The following POU6F2 variants were observed in gnomAD, a reference collection of about 807,000 sequenced individuals.
POU6F2 encodes POU class 6 homeobox 2.
POU6F2 carries 31 observed loss-of-function variants against 71.3 expected under a neutral mutation model. The observed-to-expected ratio is 0.43, with a 90% confidence interval of 0.33 to 0.59. POU6F2 has a LOEUF of 0.59. Among genes scored for constraint, POU6F2 ranks in the 20% least tolerant of loss-of-function variants. POU6F2 has a pLI of 0.04. For synonymous variants in POU6F2, 347 were observed against 355.7 expected (o/e 0.98, Z 0.27); for missense variants, 783 against 856.8 (o/e 0.91, Z 1.07).
chr7:38,980,230 C>G (rs569906504), intron 1 of POU6F2, among the ~76,000 whole-genome samples: 95 of 152,222 alleles, frequency 6.2e-4, no homozygotes, highest in African/African-American at 2.3e-3. Flanking sequence ...AATGCCAAGT[C>G]AGTAAATTAC....
chr7:39,136,324 T>C (rs1318406117), intron 2 of POU6F2, among the ~76,000 whole-genome samples: 1 of 152,200 alleles, frequency 6.6e-6, no homozygotes, highest in Non-Finnish European at 1.5e-5. Flanking sequence ...CCCTACCAGA[T>C]ACCAAAATGT....
chr7:39,442,431 T>C (rs993211008), intron 7 of POU6F2, among the ~76,000 whole-genome samples: 2 of 152,210 alleles, frequency 1.3e-5, no homozygotes, highest in African/African-American at 4.8e-5. Flanking sequence ...ATCTGTACAC[T>C]TTCTGGAGAC....
intron 4 of POU6F2, among the ~76,000 whole-genome samples, chr7:39,218,355 G>C (rs893285239): frequency 6.6e-6 from 1 of 152,016 alleles, no homozygotes; most frequent in South Asian, 2.1e-4. Context: ...AGAGTGGGGG[G>C]GTTATTGAAA....
intron 1 of POU6F2, among the ~76,000 whole-genome samples, chr7:39,049,951 TA>T (rs1562685688): frequency 1.3e-5 from 2 of 151,998 alleles, no homozygotes. Flanking sequence ...TTAATATGAG[TA>T]ACACTTTCCT....
intron 5 of POU6F2, among the ~76,000 whole-genome samples, chr7:39,351,059 G>A (rs112148509): frequency 0.011 from 1,701 of 152,328 alleles, 26 homozygotes; most frequent in African/African-American, 0.038. Flanking sequence ...TAATGGAACC[G>A]CGGTGGGCAC....
At chr7:39,443,096 C>T (rs1788441712) in intron 7 of POU6F2, among the ~76,000 whole-genome samples, 1 of 152,208 alleles carries the variant, frequency 6.6e-6, no homozygotes, top group Non-Finnish European at 1.5e-5. Context: ...CCTTCTCACG[C>T]AGCATCTGTC....
At chr7:39,218,978 G>A (rs1386720262) in intron 4 of POU6F2, among the ~76,000 whole-genome samples, 3 of 152,124 alleles carry the variant, frequency 2.0e-5, no homozygotes, top group Non-Finnish European at 2.9e-5. Flanking sequence ...GGGGAGAAGA[G>A]GTTAGGGAAG....
intron 7 of POU6F2, among the ~76,000 whole-genome samples, chr7:39,437,610 G>T (rs1354505247): frequency 1.3e-5 from 2 of 151,630 alleles, no homozygotes; most frequent in African/African-American, 4.9e-5. Flanking sequence ...GGTTTTTCTT[G>T]TCTCTATCTC....
chr7:39,417,939 ATAAAT>A (rs1473228252), intron 6 of POU6F2, among the ~76,000 whole-genome samples: 2 of 152,240 alleles, frequency 1.3e-5, no homozygotes, highest in Admixed American at 6.5e-5. Context: ...AATAGCAATA[ATAAAT>A]TAATATGTTG....
At chr7:39,360,734 T>A (rs1434508989) in intron 5 of POU6F2, among the ~76,000 whole-genome samples, 3 of 152,248 alleles carry the variant, frequency 2.0e-5, no homozygotes, top group Non-Finnish European at 4.4e-5. Flanking sequence ...ATTTTTATGG[T>A]TATTTCTTGA....
intron 2 of POU6F2, among the ~76,000 whole-genome samples, chr7:39,133,197 T>C (rs1359669428): frequency 6.6e-6 from 1 of 152,218 alleles, no homozygotes; most frequent in Non-Finnish European, 1.5e-5. Flanking sequence ...GGCCGTGTCA[T>C]TCCTTGTGAT....
chr7:39,149,771 A>T (rs1206612929), intron 2 of POU6F2, among the ~76,000 whole-genome samples: 4 of 152,220 alleles, frequency 2.6e-5, no homozygotes, highest in African/African-American at 9.7e-5. Flanking sequence ...TGTGAGATCA[A>T]GCAAAATATT....
intron 9 of POU6F2, among the ~76,000 whole-genome samples, chr7:39,463,950 T>A (rs1301389702): frequency 1.3e-5 from 2 of 152,220 alleles, no homozygotes; most frequent in African/African-American, 4.8e-5. Flanking sequence ...AGCTCATGCA[T>A]CCTGCTGTCT....
chr7:39,301,384 G>T (rs537189964), intron 4 of POU6F2, among the ~76,000 whole-genome samples: 1 of 152,114 alleles, frequency 6.6e-6, no homozygotes. Flanking sequence ...TCACATCAGC[G>T]CTGGCCAACA....
intron 9 of POU6F2, among the ~76,000 whole-genome samples, chr7:39,462,273 CT>C (rs1171159453): frequency 2.0e-5 from 3 of 152,164 alleles, no homozygotes; most frequent in African/African-American, 7.2e-5. Flanking sequence ...GATGCCTTGA[CT>C]TTTGGGCCTT....
At chr7:39,113,362 A>G (rs1159129556) in intron 2 of POU6F2, among the ~76,000 whole-genome samples, 2 of 152,226 alleles carry the variant, frequency 1.3e-5, no homozygotes, top group East Asian at 3.8e-4. Flanking sequence ...ACTGGCTCAG[A>G]GGTTCATGGC....
At chr7:39,432,991 TAG>T in intron 6 of POU6F2, 84 bp from the exon 7 acceptor site, 1 of 1,388,170 alleles carries the variant, frequency 7.2e-7, no homozygotes, top group East Asian at 2.4e-5. Flanking sequence ...GGGAGCATCC[TAG>T]AGAGACCAGG....
chr7:39,066,193 T>C (rs1038041286), intron 1 of POU6F2, among the ~76,000 whole-genome samples: 4 of 151,802 alleles, frequency 2.6e-5, no homozygotes, highest in Non-Finnish European at 5.9e-5. Context: ...CAGCCATTTC[T>C]GGTTTAATTT....
intron 4 of POU6F2, among the ~76,000 whole-genome samples, chr7:39,209,329 T>C (rs373910099): frequency 6.6e-6 from 1 of 152,198 alleles, no homozygotes; most frequent in Non-Finnish European, 1.5e-5. Flanking sequence ...GCTTTTCTTA[T>C]CCCTGGGCAC....
Sources: gnomAD v4.1 joint callset for allele counts (sites outside exome capture counted in the v4.1 genomes callset) on GRCh38, gnomAD v4.1.1 for gene constraint, MANE v1.5 for transcripts, NCBI Gene and HGNC (gene_info 2026-07-23, HGNC 2026-07-21) for gene names.